GNAQ: variants seen among roughly 807,000 people sequenced by gnomAD.
GNAQ encodes guanine nucleotide-binding protein G(q) subunit alpha.
In GNAQ, 8 loss-of-function variants were observed where a neutral mutation model predicts 43.9. That is an observed-to-expected ratio of 0.18 (90% CI 0.11 to 0.33). The LOEUF is 0.33. Ranked by LOEUF, GNAQ falls within the 10% of genes least tolerant of loss-of-function variation. GNAQ has a pLI of 1.00. For missense variants in GNAQ, 158 were observed against 450.8 expected (o/e 0.35, Z 5.88); for synonymous variants, 155 against 170.7 (o/e 0.91, Z 0.71).
At chr9:77,946,657 C>A (rs947910178) in intron 1 of GNAQ, among the ~76,000 whole-genome samples, 2 of 152,062 alleles carry the variant, frequency 1.3e-5, no homozygotes, top group Non-Finnish European at 2.9e-5. Context: ...AAAATGAAAC[C>A]TTCTCTGTAT....
chr9:77,852,228 C>G (rs1827683995), intron 2 of GNAQ, among the ~76,000 whole-genome samples: 2 of 152,112 alleles, frequency 1.3e-5, no homozygotes, highest in South Asian at 4.1e-4. Flanking sequence ...CGGAAGAAAG[C>G]TCTCACAAAT....
intron 2 of GNAQ, among the ~76,000 whole-genome samples, chr9:77,822,190 C>CT (rs1268342421): frequency 6.6e-6 from 1 of 152,024 alleles, no homozygotes; most frequent in Admixed American, 6.6e-5. Flanking sequence ...ACCATGGAAG[C>CT]TTTTTTTGCC....
intron 4 of GNAQ, among the ~76,000 whole-genome samples, chr9:77,795,034 T>TA (rs1172528860): frequency 2.0e-5 from 3 of 152,138 alleles, no homozygotes; most frequent in Non-Finnish European, 4.4e-5. Context: ...CAAGTATACT[T>TA]AAAATATGTG....
chr9:77,999,134 T>C (rs899744941), intron 1 of GNAQ, among the ~76,000 whole-genome samples: 1 of 145,256 alleles, frequency 6.9e-6, no homozygotes, highest in Admixed American at 6.8e-5. Context: ...ACAGAAAAAG[T>C]TGAATTTGTA....
chr9:77,819,029 AC>A (rs1564120121), intron 2 of GNAQ, among the ~76,000 whole-genome samples: 16 of 119,236 alleles, frequency 1.3e-4, no homozygotes, highest in African/African-American at 3.4e-4. Flanking sequence ...AAAAAAAAAA[AC>A]ACCCAAAAAT....
rs181760242 is a variant in GNAQ at position 78,001,861 on chromosome 9, T to G, written c.136+29239A>C. Among the ~76,000 whole-genome samples, 227 of 152,322 alleles carry G rather than the reference T, an allele frequency of 1.5e-3. 4 individuals carry two copies. Among genetic ancestry groups the G allele is most frequent in the Admixed American group, 0.011 (174 of 15,306 alleles). ...ACTAAGATTTCAACTAGGAGTATTC[T>G]ACTACACAAGTTCTAAGAGGATTCT... is the stretch of plus-strand genomic sequence containing the variant. On this transcript the variant is annotated intron_variant, in intron 1 of 6. Transcript: ENST00000286548.
intron 2 of GNAQ, among the ~76,000 whole-genome samples, chr9:77,852,910 T>C (rs780835205): frequency 4.2e-4 from 64 of 152,098 alleles, no homozygotes; most frequent in Admixed American, 7.2e-4. Context: ...ACAAACAAAA[T>C]AGGCTGAAGA....
intron 5 of GNAQ, among the ~76,000 whole-genome samples, chr9:77,773,940 G>C (rs546078914): frequency 6.6e-6 from 1 of 151,416 alleles, no homozygotes; most frequent in South Asian, 2.1e-4. Context: ...CACAGCAAAT[G>C]ATTTAAAGTT....
At chr9:77,996,271 G>A (rs989928529) in intron 1 of GNAQ, among the ~76,000 whole-genome samples, 2 of 152,278 alleles carry the variant, frequency 1.3e-5, no homozygotes, top group Admixed American at 1.3e-4. Flanking sequence ...TTCATCTTTT[G>A]ATAAGTTTAA....
At chr9:77,941,475 T>C (rs1306756132) in intron 1 of GNAQ, among the ~76,000 whole-genome samples, 1 of 152,090 alleles carries the variant, frequency 6.6e-6, no homozygotes, top group African/African-American at 2.4e-5. Context: ...GGTCTCGATC[T>C]CCTGACCTCA....
chr9:77,736,831 C>T (rs1289255717), intron 5 of GNAQ, among the ~76,000 whole-genome samples: 1 of 152,156 alleles, frequency 6.6e-6, no homozygotes, highest in African/African-American at 2.4e-5. Flanking sequence ...CTAGAACTTA[C>T]AGAGGTAGGA....
At chr9:77,875,305 A>G (rs947766169) in intron 2 of GNAQ, among the ~76,000 whole-genome samples, 7 of 152,368 alleles carry the variant, frequency 4.6e-5, no homozygotes, top group Admixed American at 3.9e-4. Context: ...AAGAAGTTAC[A>G]TGAGTCCACA....
At chr9:77,726,050 G>T (rs779821451) in intron 6 of GNAQ, among the ~76,000 whole-genome samples, 1 of 152,074 alleles carries the variant, frequency 6.6e-6, no homozygotes, top group Non-Finnish European at 1.5e-5. Context: ...AGCGTGTTTA[G>T]ATCTAAGCCA....
chr9:78,018,542 T>C (rs1224862518), intron 1 of GNAQ, among the ~76,000 whole-genome samples: 1 of 152,214 alleles, frequency 6.6e-6, no homozygotes, highest in Non-Finnish European at 1.5e-5. Context: ...TTGTCATTCT[T>C]TCAAAGACTA....
At chr9:77,794,636 A>C (rs775333366) in intron 4 of GNAQ, 44 bp from the exon 5 acceptor site, 2 of 1,307,124 alleles carry the variant, frequency 1.5e-6, no homozygotes. Flanking sequence ...ATAAAGTAAA[A>C]CTAAAAAGTC....
intron 2 of GNAQ, among the ~76,000 whole-genome samples, chr9:77,881,012 C>A (rs1035828153): frequency 2.0e-5 from 3 of 152,134 alleles, no homozygotes; most frequent in Non-Finnish European, 2.9e-5. Context: ...GCCAGGCTCA[C>A]CATAGGAGTT....
chr9:77,984,084 G>T (rs1201858889), intron 1 of GNAQ, among the ~76,000 whole-genome samples: 1 of 124,348 alleles, frequency 8.0e-6, no homozygotes. Context: ...AAATCACCTA[G>T]ATGAAGTTGG....
At chr9:78,014,140 T>C (rs1259386161) in intron 1 of GNAQ, among the ~76,000 whole-genome samples, 2 of 151,936 alleles carry the variant, frequency 1.3e-5, no homozygotes, top group Admixed American at 1.3e-4. Context: ...CCAATACAAA[T>C]TCCAAAGGAG....
At chr9:77,760,864 G>A (rs569005088) in intron 5 of GNAQ, among the ~76,000 whole-genome samples, 283 of 148,356 alleles carry the variant, frequency 1.9e-3, no homozygotes, top group African/African-American at 6.5e-3. Context: ...CCACCGCCCC[G>A]TCTGGGATGT....
Sources: allele counts gnomAD v4.1 joint callset (sites outside exome capture counted in the v4.1 genomes callset), GRCh38; gene constraint gnomAD v4.1.1; transcripts MANE v1.5; gene names NCBI Gene and HGNC (gene_info 2026-07-23, HGNC 2026-07-21).